Variants in CAB39L observed in about 807,000 individuals in gnomAD.
CAB39L encodes the protein calcium-binding protein 39-like.
CAB39L carries 23 observed loss-of-function variants against 39.1 expected under a neutral mutation model. That is an observed-to-expected ratio of 0.59 (90% CI 0.42 to 0.83). The LOEUF is 0.83. Ranked by LOEUF, CAB39L falls within the 40% of genes least tolerant of loss-of-function variation. CAB39L has a pLI of 0.00. For synonymous variants in CAB39L, 126 were observed against 137.2 expected, an observed-to-expected ratio of 0.92 and a Z score of 0.57; for missense variants, 366 against 391.9, an observed-to-expected ratio of 0.93 and a Z score of 0.56.
chr13:49,409,674 G>A (rs1435456818), intron 3 of CAB39L, among the ~76,000 whole-genome samples: 1 of 152,056 alleles, frequency 6.6e-6, no homozygotes, highest in Non-Finnish European at 1.5e-5. Flanking sequence ...GGAAGCACAG[G>A]TTTACTTCAA....
At chr13:49,351,075 A>T in intron 6 of CAB39L, 163 bp from the exon 7 acceptor site, 1 of 430,604 alleles carries the variant, frequency 2.3e-6, no homozygotes, top group Non-Finnish European at 4.0e-6. Flanking sequence ...GCCTGGCACT[A>T]TTGCAGACGT....
At chr13:49,355,629 T>C (rs1942248471) in intron 6 of CAB39L, among the ~76,000 whole-genome samples, 1 of 152,032 alleles carries the variant, frequency 6.6e-6, no homozygotes, top group Non-Finnish European at 1.5e-5. Flanking sequence ...TGTTAAGAGA[T>C]ATCACCTAGA....
intron 3 of CAB39L, among the ~76,000 whole-genome samples, chr13:49,419,404 C>A (rs1225188292): frequency 6.6e-6 from 1 of 152,044 alleles, no homozygotes; most frequent in Admixed American, 6.6e-5. Context: ...ATGGCAAAAC[C>A]CTGTCTCTCA....
At chr13:49,417,949 T>A (rs1957111306) in intron 3 of CAB39L, among the ~76,000 whole-genome samples, 1 of 152,194 alleles carries the variant, frequency 6.6e-6, no homozygotes, top group Non-Finnish European at 1.5e-5. Context: ...CAAACATTGC[T>A]GGTAAAAATG....
rs74688703 is a variant in CAB39L, at chr13:49,351,778, G to T, written c.396-866C>A. ...AGGTGGTGGATACTGTTCGGAGGAAGAGTCAACAAGACTTGCTGATGATGT... is the reference window on the plus strand; with the variant it reads ...AGGTGGTGGATACTGTTCGGAGGAATAGTCAACAAGACTTGCTGATGATGT... On this transcript the variant is annotated intron_variant, in intron 6 of 10. Transcript: ENST00000409308. 3.3e-3 allele frequency among the ~76,000 whole-genome samples: 503 copies of T among 152,284 alleles called. 6 individuals carry two copies. In the East Asian group the frequency reaches 0.039, roughly 12 times the overall value.
At chr13:49,313,480 CAAA>C (rs61510865) in intron 10 of CAB39L, among the ~76,000 whole-genome samples, 3 of 104,396 alleles carry the variant, frequency 2.9e-5, no homozygotes, top group Non-Finnish European at 4.2e-5. Context: ...GACTCCGTCT[CAAA>C]AAAAAAAAAA....
At chr13:49,371,163 A>AT (rs542335674) in intron 5 of CAB39L, among the ~76,000 whole-genome samples, 22 of 144,502 alleles carry the variant, frequency 1.5e-4, no homozygotes, top group South Asian at 2.2e-4. Context: ...GTAAAGAGCC[A>AT]TTTTTTTTTC....
At chr13:49,429,641 A>G (rs542781419) in intron 3 of CAB39L, among the ~76,000 whole-genome samples, 2 of 152,328 alleles carry the variant, frequency 1.3e-5, no homozygotes, top group African/African-American at 4.8e-5. Flanking sequence ...AATTTAATAT[A>G]GTTTAGTTAA....
chr13:49,405,762 G>GGACA (rs1956863119), intron 3 of CAB39L, among the ~76,000 whole-genome samples: 1 of 147,508 alleles, frequency 6.8e-6, no homozygotes, highest in Non-Finnish European at 1.5e-5. Flanking sequence ...AGGGAGGGAC[G>GGACA]GAGGGACAGA....
chr13:49,396,093 GTC>G (rs1956615272), intron 3 of CAB39L, among the ~76,000 whole-genome samples: 10 of 50,492 alleles, frequency 2.0e-4, no homozygotes, highest in Admixed American at 1.0e-3. Flanking sequence ...GTGAGACTCT[GTC>G]TCAAAAAAAA....
At chr13:49,400,037 T>C (rs1178292415) in intron 3 of CAB39L, among the ~76,000 whole-genome samples, 1 of 151,958 alleles carries the variant, frequency 6.6e-6, no homozygotes, top group Non-Finnish European at 1.5e-5. Context: ...GTAGAGGAAA[T>C]GTTAGAGAAA....
intron 3 of CAB39L, among the ~76,000 whole-genome samples, chr13:49,418,773 C>G (rs903391984): frequency 6.6e-6 from 1 of 151,986 alleles, no homozygotes; most frequent in Non-Finnish European, 1.5e-5. Context: ...GTTGGCCAGG[C>G]TGGTCTCAAA....
chr13:49,327,556 C>T (rs528774640), intron 10 of CAB39L, among the ~76,000 whole-genome samples: 7 of 151,842 alleles, frequency 4.6e-5, no homozygotes, highest in African/African-American at 7.3e-5. Context: ...CACCCACCTC[C>T]GCCTCCCAGA....
At chr13:49,396,952 G>A (rs1956649941) in intron 3 of CAB39L, among the ~76,000 whole-genome samples, 1 of 151,990 alleles carries the variant, frequency 6.6e-6, no homozygotes, top group Admixed American at 6.6e-5. Context: ...AAACAAAAAA[G>A]TGCACCTTAA....
intron 5 of CAB39L, among the ~76,000 whole-genome samples, chr13:49,368,852 T>C (rs1163805971): frequency 6.6e-6 from 1 of 152,044 alleles, no homozygotes; most frequent in African/African-American, 2.4e-5. Context: ...CCAGAATGAT[T>C]GCTGAAAAAG....
At chr13:49,416,123 A>G (rs1006600350) in intron 3 of CAB39L, among the ~76,000 whole-genome samples, 26 of 152,228 alleles carry the variant, frequency 1.7e-4, no homozygotes, top group African/African-American at 6.0e-4. Flanking sequence ...CATCTTCTGG[A>G]AAGTCTTGCT....
At chr13:49,417,829 C>G (rs577308151) in intron 3 of CAB39L, among the ~76,000 whole-genome samples, 2 of 152,056 alleles carry the variant, frequency 1.3e-5, no homozygotes, top group South Asian at 2.1e-4. Flanking sequence ...TAAAAAAAAC[C>G]CTGCAAGTCA....
chr13:49,312,236 A>T (rs897499178), intron 10 of CAB39L, among the ~76,000 whole-genome samples: 1 of 152,166 alleles, frequency 6.6e-6, no homozygotes, highest in Non-Finnish European at 1.5e-5. Context: ...AAAATTTTTT[A>T]AATCAATTTA....
chr13:49,382,287 T>A (rs975802963), intron 4 of CAB39L, among the ~76,000 whole-genome samples: 1 of 152,126 alleles, frequency 6.6e-6, no homozygotes, highest in Non-Finnish European at 1.5e-5. Context: ...TATCATTTAC[T>A]GGAATAGAAG....
Sources: allele counts gnomAD v4.1 joint callset (sites outside exome capture counted in the v4.1 genomes callset), GRCh38; gene constraint gnomAD v4.1.1; transcripts MANE v1.5; gene names NCBI Gene and HGNC (gene_info 2026-07-23, HGNC 2026-07-21).